TAFA5: variants seen among roughly 807,000 people sequenced by gnomAD.
TAFA5 encodes the protein TAFA chemokine like family member 5.
A neutral mutation model predicts 15.3 loss-of-function variants in TAFA5; 6 were observed. The observed-to-expected ratio is 0.39, with a 90% confidence interval of 0.21 to 0.77. The LOEUF (loss-of-function observed/expected upper bound fraction) is 0.77. TAFA5 is among the 30% of genes least tolerant of loss of function. The pLI is 0.41. For synonymous variants in TAFA5, 103 were observed against 80.7 expected (o/e 1.28, Z -1.48); for missense variants, 161 against 193.1 (o/e 0.83, Z 0.98).
At chr22:48,594,071 GCCTGTGGAT>G (rs1385196473) in intron 1 of TAFA5, among the ~76,000 whole-genome samples, 1 of 152,232 alleles carries the variant, frequency 6.6e-6, no homozygotes, top group Non-Finnish European at 1.5e-5. Flanking sequence ...GGGCGCTGAG[GCCTGTGGAT>G]CCTCCCAGGC....
At chr22:48,568,076 A>G (rs1923466408) in intron 1 of TAFA5, among the ~76,000 whole-genome samples, 1 of 152,236 alleles carries the variant, frequency 6.6e-6, no homozygotes, top group Non-Finnish European at 1.5e-5. Context: ...GCAGGTCACA[A>G]AATAAATGCG....
chr22:48,709,660 G>A (rs1267567167), intron 3 of TAFA5, among the ~76,000 whole-genome samples: 3 of 152,208 alleles, frequency 2.0e-5, no homozygotes, highest in Admixed American at 6.5e-5. Context: ...TGAGGCCCAC[G>A]AGGCGCCCAG....
intron 1 of TAFA5, among the ~76,000 whole-genome samples, chr22:48,494,854 C>A (rs2147092379): frequency 6.6e-6 from 1 of 152,364 alleles, no homozygotes; most frequent in East Asian, 1.9e-4. Context: ...CTCTCCTTCA[C>A]CCCGGCGAAT....
chr22:48,630,902 G>A (rs568573862), intron 1 of TAFA5, among the ~76,000 whole-genome samples: 2 of 152,306 alleles, frequency 1.3e-5, no homozygotes, highest in Non-Finnish European at 2.9e-5. Context: ...GTGTCCCAGG[G>A]GCACCTGCAT....
At chr22:48,688,006 T>G (rs1345699294) in intron 2 of TAFA5, among the ~76,000 whole-genome samples, 5 of 40,618 alleles carry the variant, frequency 1.2e-4, no homozygotes, top group African/African-American at 3.3e-4. Context: ...GATTAGAGGG[T>G]TTTTTTTTTT....
At chr22:48,638,763 A>AC (rs369094413) in intron 1 of TAFA5, among the ~76,000 whole-genome samples, 5,588 of 41,636 alleles carry the variant, frequency 0.13, 738 homozygotes, top group East Asian at 0.41. Context: ...CACAGGCGGG[A>AC]CCCCCCCCAT....
intron 1 of TAFA5, among the ~76,000 whole-genome samples, chr22:48,522,666 A>C (rs1050923444): frequency 6.6e-5 from 10 of 152,126 alleles, no homozygotes; most frequent in African/African-American, 2.4e-4. Context: ...TTCCCTTCAC[A>C]GCCCAGGCCA....
At chr22:48,503,839 G>T (rs975807394) in intron 1 of TAFA5, among the ~76,000 whole-genome samples, 1 of 152,172 alleles carries the variant, frequency 6.6e-6, no homozygotes, top group Non-Finnish European at 1.5e-5. Context: ...CTCCTCAGAC[G>T]TCAGGTGGCT....
At chr22:48,658,246 G>A (rs6010480) in intron 2 of TAFA5, among the ~76,000 whole-genome samples, 3 of 148,996 alleles carry the variant, frequency 2.0e-5, no homozygotes, top group Admixed American at 6.6e-5. Context: ...CAGGGTGGGT[G>A]GGGGAGCAGC....
intron 3 of TAFA5, among the ~76,000 whole-genome samples, chr22:48,738,372 A>G (rs1930090276): frequency 6.6e-6 from 1 of 152,146 alleles, no homozygotes; most frequent in African/African-American, 2.4e-5. Context: ...CAGACACAGA[A>G]TGTCCCCTGC....
chr22:48,594,577 G>A (rs993169844), intron 1 of TAFA5, among the ~76,000 whole-genome samples: 1 of 151,984 alleles, frequency 6.6e-6, no homozygotes, highest in Non-Finnish European at 1.5e-5. Context: ...CAGCCCCGGT[G>A]TGATGATCCC....
In TAFA5 at chr22:48,566,897, G is replaced by C. The variant is rs749762491; in HGVS notation, c.112+77193G>C. ...TCACCACTGTGGTTTCATGATTTAC[G>C]CCTGGGGCCGTCAGTGGGTTGGGTT... is the stretch of plus-strand genomic sequence containing the variant. On this transcript the variant is annotated intron_variant, in intron 1 of 3. Coordinates refer to ENST00000402357, the MANE Select transcript of TAFA5 (RefSeq NM_001082967.3). The surrounding 1 kb of genome is among the most constrained non-coding windows in gnomAD (Gnocchi z 4.5). Among the ~76,000 whole-genome samples the C allele has an allele frequency of 6.6e-6, 1 of 152,250 alleles. No individual in the cohort carries two copies. The highest frequency in any genetic ancestry group is 1.5e-5 in the Non-Finnish European group (1 of 68,028).
chr22:48,731,684 C>G lies in TAFA5; in HGVS notation c.391-18155C>G, dbSNP rs529730708. Among the ~76,000 whole-genome samples, 7 of 152,222 alleles carry G rather than the reference C, an allele frequency of 4.6e-5. 1 individual carries two copies. In the South Asian group the frequency reaches 1.5e-3, roughly 32 times the overall value. Reference sequence around the variant, plus strand: ...GGCATGGTTGACTGAATCCTTTAAGCCCACCGATGAGACCTACTGCTCAGA... The same window carrying G: ...GGCATGGTTGACTGAATCCTTTAAGGCCACCGATGAGACCTACTGCTCAGA... On this transcript the variant is annotated intron_variant, in intron 3 of 3. Coordinates refer to ENST00000402357, the MANE Select transcript of TAFA5 (RefSeq NM_001082967.3).
chr22:48,559,295 G>A (rs1252985981), intron 1 of TAFA5, among the ~76,000 whole-genome samples: 1 of 152,238 alleles, frequency 6.6e-6, no homozygotes, highest in Non-Finnish European at 1.5e-5. Flanking sequence ...TTGGGAAGTG[G>A]GCCCCATGGT....
chr22:48,507,826 G>A (rs1921055779), intron 1 of TAFA5, among the ~76,000 whole-genome samples: 1 of 152,136 alleles, frequency 6.6e-6, no homozygotes, highest in East Asian at 1.9e-4. Context: ...CCCTCCCCAA[G>A]GCCAGCGCTA....
In TAFA5 at chr22:48,676,431, C is replaced by T. The variant is rs143462631; in HGVS notation, c.262+29685C>T. ...GGAGGCATTGGAGGGAGGCGGGCCT[C>T]ATCCCTGCTTTGTCTTTCCTGTGGC... On this transcript the variant is annotated intron_variant, in intron 2 of 3. Transcript: ENST00000402357. 2.3e-3 allele frequency among the ~76,000 whole-genome samples: 345 copies of T among 152,342 alleles called. 2 individuals are homozygous for T. The highest frequency in any genetic ancestry group is 8.0e-3 in the African/African-American group (334 of 41,586).
intron 1 of TAFA5, among the ~76,000 whole-genome samples, chr22:48,616,226 GC>G (rs1192577975): frequency 3.9e-5 from 6 of 152,238 alleles, no homozygotes; most frequent in African/African-American, 1.4e-4. Flanking sequence ...TGGGGACAGC[GC>G]TGCAGGCTTT....
Position 48,690,002 on chromosome 22 carries a change from G to C in TAFA5, c.263-17715G>C, listed in dbSNP as rs368209329. On this transcript the variant is annotated intron_variant, in intron 2 of 3. Transcript: ENST00000402357. Reference sequence around the variant, plus strand: ...TTGCAACCTCTTCCCTGGTGGCCTGGCGTCCATCACAGGTGGCCTCACAGC... The same window carrying C: ...TTGCAACCTCTTCCCTGGTGGCCTGCCGTCCATCACAGGTGGCCTCACAGC... Among the ~76,000 whole-genome samples, 70 of 152,272 alleles carry C rather than the reference G, an allele frequency of 4.6e-4. 1 individual carries two copies. Among genetic ancestry groups the C allele is most frequent in the African/African-American group, 1.6e-3 (66 of 41,550 alleles).
chr22:48,687,592 C>T (rs751822221), intron 2 of TAFA5, among the ~76,000 whole-genome samples: 11 of 152,098 alleles, frequency 7.2e-5, no homozygotes, highest in African/African-American at 2.4e-4. Context: ...TCTCAGCCTC[C>T]GTGTTAATTT....
Sources: gnomAD v4.1 joint callset for allele counts (sites outside exome capture counted in the v4.1 genomes callset) on GRCh38, gnomAD v4.1.1 for gene constraint, Gnocchi (gnomAD v3.1) non-coding constraint, MANE v1.5 for transcripts, NCBI Gene and HGNC (gene_info 2026-07-23, HGNC 2026-07-21) for gene names.